Variants in COASY observed in about 807,000 individuals in gnomAD.
COASY encodes the protein Coenzyme A synthase.
Under a neutral mutation model 49.4 loss-of-function variants are expected in COASY, and 31 were observed. The observed-to-expected ratio is 0.63, with a 90% CI of 0.47 to 0.85. The LOEUF is 0.85. Among genes scored for constraint, COASY ranks in the 40% least tolerant of loss-of-function variants. The pLI is 0.00. For synonymous variants in COASY, 285 were observed against 310.9 expected (o/e 0.92, Z 0.88); for missense variants, 730 against 734.1 (o/e 0.99, Z 0.06).
Position 42,562,213 on chromosome 17 carries a change from G to C in COASY, c.-410G>C. 8.0e-6 allele frequency: 4 copies of C among 498,202 alleles called. No homozygotes were observed. Among genetic ancestry groups the C allele is most frequent in the Non-Finnish European group, 1.1e-5 (3 of 280,264 alleles). 30.9% of individuals were successfully genotyped at this position (498,202 alleles called of 1,614,324 possible). On this transcript the variant is annotated 5_prime_UTR_variant, in exon 1 of 9. Coordinates refer to ENST00000393818, the MANE Select transcript of COASY (RefSeq NM_025233.7). Reference sequence around the variant, plus strand: ...GGTGCAAGTGGAACCCAAGCCTTGAGGTTTCAGTGAGTAGGGGGCCGACGT... The same window carrying C: ...GGTGCAAGTGGAACCCAAGCCTTGACGTTTCAGTGAGTAGGGGGCCGACGT...
intron 1 of COASY, 67 bp downstream of exon 1, chr17:42,563,389 C>G: frequency 7.1e-7 from 1 of 1,412,130 alleles, no homozygotes; most frequent in Non-Finnish European, 9.5e-7. Context: ...ACCCTTATGC[C>G]GAGATCAAGG....
At chr17:42,564,310 C>T in intron 2 of COASY, 135 bp downstream of exon 2, 1 of 1,469,492 alleles carries the variant, frequency 6.8e-7, no homozygotes, top group Non-Finnish European at 9.5e-7. Flanking sequence ...CAAGGAGGAA[C>T]TGGTTCTCAG....
chr17:42,565,020 C>T lies in COASY; in HGVS notation c.1275C>T (p.Val425=). ...AAGATGGCATCATCAACAGGAAGGT[C>T]CTAGGCAGCCGGGTGTTTGGGAATA... ...LHKDGIINRK[V]LGSRVFGNKK... is the part of the protein sequence containing the mutation. Residue 425 remains valine, a synonymous_variant, in exon 5 of 9, where the codon GTC becomes GTT. Transcript: ENST00000393818. 6.2e-7 allele frequency: 1 copy of T among 1,614,208 alleles called. No homozygotes were observed. Among genetic ancestry groups the T allele is most frequent in the Non-Finnish European group, 8.5e-7 (1 of 1,180,042 alleles).
Position 42,563,326 on chromosome 17 carries a change from A to T in COASY, c.700+4A>T. 1 of 1,576,742 alleles carries T rather than the reference A, an allele frequency of 6.3e-7. No individual in the cohort carries two copies. The highest frequency in any genetic ancestry group is 8.6e-7 in the Non-Finnish European group (1 of 1,161,764). On this transcript the variant is annotated splice_donor_region_variant and intron_variant, in intron 1 of 8. Coordinates refer to ENST00000393818, the MANE Select transcript of COASY (RefSeq NM_025233.7). ...GCAGACAAAGATCTGTTGAAGAGTG[A>T]GTAAGAGGGACCCTGGACTAGGGTG...
Position 42,563,006 on chromosome 17 carries a change from G to A in COASY, c.384G>A (p.Pro128=), listed in dbSNP as rs377650326. The A allele has an allele frequency of 4.3e-6, 7 of 1,614,116 alleles. No homozygotes were observed. Among genetic ancestry groups the A allele is most frequent in the Non-Finnish European group, 5.1e-6 (6 of 1,180,020 alleles). The change falls in exon 1 of 9, where the codon CCG becomes CCA. Residue 128 remains proline (P), a synonymous_variant. Coordinates refer to ENST00000393818, the MANE Select transcript of COASY (RefSeq NM_025233.7). Reference sequence around the variant, plus strand: ...CCCTGGATGGAAGCCAGTACAACCCGGTCAAACAGCAGCTAGTGCGTTACG... The same window carrying A: ...CCCTGGATGGAAGCCAGTACAACCCAGTCAAACAGCAGCTAGTGCGTTACG... ...FQTLDGSQYN[P]VKQQLVRYAT... is the part of the protein sequence containing the mutation.
chr17:42,564,214 G>T (rs1163477087), intron 2 of COASY, 39 bp downstream of exon 2: 1 of 1,591,018 alleles, frequency 6.3e-7, no homozygotes, highest in Non-Finnish European at 8.6e-7. Flanking sequence ...AGTGGATGGG[G>T]GACGGGGAAG....
At position 42,563,329 on chromosome 17, in the gene COASY, A is replaced by C. The variant is rs993634231; in HGVS notation, c.700+7A>C. The C allele has an allele frequency of 6.3e-7, 1 of 1,575,462 alleles. No individual in the cohort carries two copies. Among genetic ancestry groups the C allele is most frequent in the African/African-American group, 1.3e-5 (1 of 74,534 alleles). On this transcript the variant is annotated splice_region_variant and intron_variant, in intron 1 of 8. Coordinates refer to ENST00000393818, the MANE Select transcript of COASY (RefSeq NM_025233.7). ...GACAAAGATCTGTTGAAGAGTGAGT[A>C]AGAGGGACCCTGGACTAGGGTGGAG...
rs1257717242 is a variant in COASY at position 42,564,964 on chromosome 17, G to T, written c.1238-19G>T. 2 of 1,614,204 alleles carry T rather than the reference G, an allele frequency of 1.2e-6. No homozygotes were observed. The highest frequency in any genetic ancestry group is 2.2e-5 in the South Asian group (2 of 91,092). Reference sequence around the variant, plus strand: ...GCTAGCCAGGCCTCTGTGCTCAGTTGTCTGTCTGTGTTGTCCAGATATTCT... The same window carrying T: ...GCTAGCCAGGCCTCTGTGCTCAGTTTTCTGTCTGTGTTGTCCAGATATTCT... On this transcript the variant is annotated intron_variant, in intron 4 of 8. Coordinates refer to ENST00000393818, the MANE Select transcript of COASY (RefSeq NM_025233.7).
At chr17:42,565,396 G>A in intron 6 of COASY, 75 bp from the exon 7 acceptor site, 3 of 1,606,764 alleles carry the variant, frequency 1.9e-6, no homozygotes, top group Non-Finnish European at 1.7e-6. Flanking sequence ...ACGTGGGACT[G>A]TCTGTTCACC....
intron 8 of COASY, 24 bp downstream of exon 8, chr17:42,565,829 G>A (rs1428871405): frequency 1.2e-6 from 2 of 1,613,856 alleles, no homozygotes. Context: ...GCAAGGCCGG[G>A]TTGTGGGGAA....
chr17:42,562,488 G>C lies in COASY; in HGVS notation c.-135G>C. 6.2e-7 allele frequency: 1 copy of C among 1,613,562 alleles called. No homozygotes were observed. Reference sequence around the variant, plus strand: ...CCGTCCCCTCCCCCGGCTCCTGTCGGTCAGCACTGAAACCCCGTCCCTGCT... The same window carrying C: ...CCGTCCCCTCCCCCGGCTCCTGTCGCTCAGCACTGAAACCCCGTCCCTGCT... On this transcript the variant is annotated 5_prime_UTR_variant, in exon 1 of 9. Transcript: ENST00000393818.
Position 42,565,820 on chromosome 17 carries a change from C to T in COASY, c.1632+15C>T, listed in dbSNP as rs1567906636. 1 of 1,613,888 alleles carries T rather than the reference C, an allele frequency of 6.2e-7. No homozygotes were observed. Among genetic ancestry groups the T allele is most frequent in the East Asian group, 2.2e-5 (1 of 44,890 alleles). ...CCCAACGCCAGGTTGGTGCCCAGGG[C>T]AAGGCCGGGTTGTGGGGAAGGAGTC... On this transcript the variant is annotated intron_variant, in intron 8 of 8. Coordinates refer to ENST00000393818, the MANE Select transcript of COASY (RefSeq NM_025233.7).
Position 42,562,995 on chromosome 17 carries a change from C to T in COASY, c.373C>T (p.Gln125Ter), listed in dbSNP as rs372241324. Residue 125 changes from glutamine to a stop codon, truncating the protein, a stop_gained, in exon 1 of 9, where the codon CAG (glutamine) becomes TAG (stop). Transcript: ENST00000393818. LOFTEE classifies it high-confidence loss of function. Reference sequence around the variant, plus strand: ...AGATTTCCAGACCCTGGATGGAAGCCAGTACAACCCGGTCAAACAGCAGCT... The same window carrying T: ...AGATTTCCAGACCCTGGATGGAAGCTAGTACAACCCGGTCAAACAGCAGCT... Reference protein sequence around the residue: ...LTDFQTLDGSQYNPVKQQLVR... With the variant: ...LTDFQTLDGS 6.2e-7 allele frequency: 1 copy of T among 1,614,168 alleles called. No homozygotes were observed. The highest frequency in any genetic ancestry group is 8.5e-7 in the Non-Finnish European group (1 of 1,180,034).
rs751893869 is a variant in COASY at position 42,565,496 on chromosome 17, C to T, written c.1413C>T (p.Ala471=). The part of the protein sequence containing the change: ...AEGKRVCVID[A]AVLLEAGWQN... ...GAAAGCGTGTGTGTGTGATTGATGCCGCTGTGTTGCTTGAAGCCGGCTGGC... is the reference window on the plus strand; with the variant it reads ...GAAAGCGTGTGTGTGTGATTGATGCTGCTGTGTTGCTTGAAGCCGGCTGGC... The change falls in exon 7 of 9, where the codon GCC becomes GCT. Residue 471 remains alanine, a synonymous_variant. Transcript: ENST00000393818. 2.4e-5 allele frequency: 39 copies of T among 1,614,042 alleles called. No individual in the cohort carries two copies. In the African/African-American group the frequency reaches 2.5e-4, roughly 10 times the overall value.
chr17:42,564,119 G>T lies in COASY; in HGVS notation c.859G>T (p.Val287Phe). ...TGACCCCTCCCTGGAGTTCCTGGTG[G>T]TCAGCGAGGAGACCTATCGTGGGGG... ...GSDPSLEFLV[V>F]SEETYRGGMA... The change falls in exon 2 of 9, where the codon GTC (valine) becomes TTC (phenylalanine). Residue 287 changes from valine (V) to phenylalanine (F), a missense_variant. Transcript: ENST00000393818. 1 of 1,614,146 alleles carries T rather than the reference G, an allele frequency of 6.2e-7. No homozygotes were observed. The highest frequency in any genetic ancestry group is 8.5e-7 in the Non-Finnish European group (1 of 1,180,032).
Position 42,565,017 on chromosome 17 carries a change from G to A in COASY, c.1272G>A (p.Lys424=), listed in dbSNP as rs2092995076. 6.2e-7 allele frequency: 1 copy of A among 1,614,070 alleles called. No homozygotes were observed. The highest frequency in any genetic ancestry group is 1.3e-5 in the African/African-American group (1 of 74,926). The change falls in exon 5 of 9, where the codon AAG becomes AAA. Residue 424 remains lysine (K), a synonymous_variant. Transcript: ENST00000393818. ...ATAAAGATGGCATCATCAACAGGAA[G>A]GTCCTAGGCAGCCGGGTGTTTGGGA... is the stretch of plus-strand genomic sequence containing the variant. ...ILHKDGIINR[K]VLGSRVFGNK...
rs2092977816 is a variant in COASY, at chr17:42,562,176, A to C, written c.-447A>C. ...AGTGCTTCCGGGTTGCAGCCAGGGA[A>C]GCCTCCGCGGTGGTGCAAGTGGAAC... On this transcript the variant is annotated 5_prime_UTR_variant, in exon 1 of 9. Transcript: ENST00000393818. 4.2e-6 allele frequency: 2 copies of C among 473,354 alleles called. No individual in the cohort carries two copies. Among genetic ancestry groups the C allele is most frequent in the Non-Finnish European group, 7.5e-6 (2 of 266,180 alleles). The allele number at this position is 473,354 out of a possible 1,614,324, so 29.3% of individuals were successfully genotyped here.
rs2092999372 is a variant in COASY at position 42,565,552 on chromosome 17, T to C, written c.1469T>C (p.Val490Ala). ...CTGGTCCATGAGGTGTGGACTGCTG[T>C]CATCCCAGAGACTGAGGTATCTCGC... ...QNLVHEVWTA[V>A]IPETEAVRRI... The change falls in exon 7 of 9, where the codon GTC becomes GCC. Residue 490 changes from valine (V) to alanine (A), a missense_variant. Physicochemically the swap from Val to Ala is moderately conservative, Grantham distance 64. Coordinates refer to ENST00000393818, the MANE Select transcript of COASY (RefSeq NM_025233.7). 3 of 1,614,040 alleles carry C rather than the reference T, an allele frequency of 1.9e-6. No homozygotes were observed. In the African/African-American group the frequency reaches 4.0e-5, roughly 22 times the overall value.
intron 6 of COASY, 53 bp downstream of exon 6, chr17:42,565,364 C>A (rs1247267605): frequency 5.7e-5 from 91 of 1,608,138 alleles, no homozygotes; most frequent in Non-Finnish European, 6.0e-5. Context: ...GCTGTTTCTT[C>A]CCCTGGGAGC....
Sources: allele counts gnomAD v4.1 joint callset, GRCh38; gene constraint gnomAD v4.1.1; transcripts MANE v1.5; gene names NCBI Gene and HGNC (gene_info 2026-07-23, HGNC 2026-07-21).